Variants in LYST observed in about 807,000 individuals in gnomAD.
The protein encoded by LYST is lysosomal-trafficking regulator.
In LYST, 192 loss-of-function variants were observed where a neutral mutation model predicts 413.6. The observed-to-expected ratio is 0.46, with a 90% CI of 0.41 to 0.52. The LOEUF is 0.52. Ranked by LOEUF, LYST falls within the 20% of genes least tolerant of loss-of-function variation. LYST has a pLI of 0.00. For missense variants in LYST, 3,815 were observed against 4,499.9 expected (o/e 0.85, Z 4.35); for synonymous variants, 1,525 against 1,567.3 (o/e 0.97, Z 0.64).
chr1:235,799,097 T>C (rs1671906383), intron 10 of LYST, among the ~76,000 whole-genome samples: 1 of 152,134 alleles, frequency 6.6e-6, no homozygotes, highest in African/African-American at 2.4e-5. Context: ...ACTAAGTGTC[T>C]AGCAAAATAA....
intron 30 of LYST, among the ~76,000 whole-genome samples, chr1:235,742,221 G>A (rs188605749): frequency 8.9e-4 from 135 of 152,164 alleles, no homozygotes; most frequent in African/African-American, 2.8e-3. Context: ...TTGGGAGGCC[G>A]AGGCAGGTGG....
chr1:235,864,926 C>G lies in LYST; in HGVS notation c.-98+1917G>C, dbSNP rs111450686. ...CCTGGGAGACAAAGTGAGATCCTGA[C>G]TCAAAACTAAAAATAAAAGGTAAGG... On this transcript the variant is annotated intron_variant, in intron 1 of 52. Coordinates refer to ENST00000389793, the MANE Select transcript of LYST (RefSeq NM_000081.4). Among the ~76,000 whole-genome samples, 1,249 of 152,238 alleles carry G rather than the reference C, an allele frequency of 8.2e-3. 8 individuals carry two copies. Among genetic ancestry groups the G allele is most frequent in the South Asian group, 0.018 (85 of 4,822 alleles).
At chr1:235,666,638 G>A (rs895703166) in intron 50 of LYST, among the ~76,000 whole-genome samples, 58 of 100,096 alleles carry the variant, frequency 5.8e-4, no homozygotes, top group African/African-American at 1.9e-3. Flanking sequence ...ACACACACAT[G>A]CCCAATGTTC....
chr1:235,782,140 T>A, intron 14 of LYST, 53 bp from the exon 15 acceptor site: 2 of 1,428,596 alleles, frequency 1.4e-6, no homozygotes, highest in South Asian at 1.2e-5. Context: ...AGTCTAGTAC[T>A]AAGTATTTTT....
Position 235,665,561 on chromosome 1 carries a change from G to A in LYST, c.11039-940C>T, listed in dbSNP as rs577075129. On this transcript the variant is annotated intron_variant, in intron 50 of 52. Coordinates refer to ENST00000389793, the MANE Select transcript of LYST (RefSeq NM_000081.4). ...CAGGAGGTGGAGGTTGCAGTGAGCCGAGATAGTGCCACTGCACTCCAGCCT... is the reference window on the plus strand; with the variant it reads ...CAGGAGGTGGAGGTTGCAGTGAGCCAAGATAGTGCCACTGCACTCCAGCCT... Among the ~76,000 whole-genome samples, 513 of 138,354 alleles carry A rather than the reference G, an allele frequency of 3.7e-3. 2 individuals carry two copies. Among genetic ancestry groups the A allele is most frequent in the Non-Finnish European group, 5.2e-3 (343 of 65,868 alleles). The allele number at this position is 138,354 out of a possible 152,430, so 90.8% of individuals were successfully genotyped here. A position where few individuals can be genotyped will look rare whatever the true frequency, so the allele number is the denominator to read the frequency against.
chr1:235,762,656 T>C, intron 22 of LYST, 64 bp downstream of exon 22: 1 of 1,509,454 alleles, frequency 6.6e-7, no homozygotes, highest in Non-Finnish European at 9.2e-7. Context: ...ATGTACAATT[T>C]AATTATCTAA....
rs74943697 is a variant in LYST, at chr1:235,695,200, C to T, written c.10565-1714G>A. On this transcript the variant is annotated intron_variant, in intron 46 of 52. Transcript: ENST00000389793. ...AGGCACTGTGCTAATCATCCCCATA[C>T]ATTATTGTATTGAATCCTTACAGAA... 1.0e-3 allele frequency among the ~76,000 whole-genome samples: 154 copies of T among 152,340 alleles called. 2 individuals carry two copies. In the East Asian group the frequency reaches 0.026, roughly 25 times the overall value.
chr1:235,868,178 C>CT (rs58846659), upstream of LYST, among the ~76,000 whole-genome samples: 503 of 147,248 alleles, frequency 3.4e-3, 2 homozygotes, highest in African/African-American at 0.011. Context: ...TATTTTTTAT[C>CT]TTTTTTTTTT....
chr1:235,855,789 C>A (rs140996664), intron 1 of LYST, among the ~76,000 whole-genome samples: 8 of 152,112 alleles, frequency 5.3e-5, no homozygotes, highest in African/African-American at 1.9e-4. Flanking sequence ...TTTAAATACA[C>A]CTTGCACGTA....
intron 1 of LYST, among the ~76,000 whole-genome samples, chr1:235,835,420 C>T (rs905264201): frequency 1.3e-5 from 2 of 152,220 alleles, no homozygotes; most frequent in South Asian, 2.1e-4. Context: ...TCAGCGTGGC[C>T]GTAAGAAGTG....
chr1:235,733,758 TTAAAAC>T (rs1664581967), intron 33 of LYST, 66 bp downstream of exon 33: 15 of 1,515,826 alleles, frequency 9.9e-6, no homozygotes, highest in African/African-American at 1.4e-5. Context: ...ACATGATACT[TTAAAAC>T]TAAAAGTATA....
chr1:235,703,054 C>T (rs1314034547), intron 44 of LYST, 77 bp from the exon 45 acceptor site: 1 of 1,065,726 alleles, frequency 9.4e-7, no homozygotes, highest in Non-Finnish European at 1.5e-6. Context: ...AAGGGAAAAA[C>T]AACACTTTGT....
chr1:235,671,905 A>G (rs1658972174), intron 50 of LYST, among the ~76,000 whole-genome samples: 1 of 152,232 alleles, frequency 6.6e-6, no homozygotes, highest in Admixed American at 6.5e-5. Flanking sequence ...AGCAAAGACC[A>G]GTTAGGTTAT....
At chr1:235,880,703 T>G (rs1168935331) in intron 1 of LYST, among the ~76,000 whole-genome samples, 1 of 152,240 alleles carries the variant, frequency 6.6e-6, no homozygotes, top group Non-Finnish European at 1.5e-5. Context: ...TCCTCAATTG[T>G]GATGTTTTAA....
chr1:235,677,592 T>G lies in LYST; in HGVS notation c.10828A>C (p.Ile3610Leu). Reference sequence around the variant, plus strand: ...TCTTCTGTGTGACCATAGAGATGTATTTGAGTCTCCATTTCTATTTCTGAT... The same window carrying G: ...TCTTCTGTGTGACCATAGAGATGTAGTTGAGTCTCCATTTCTATTTCTGAT... Reference protein sequence around the residue: ...TPSEIEMETQIHLYGHTEEIT... With the variant: ...TPSEIEMETQLHLYGHTEEIT... The change falls in exon 49 of 53, where the codon ATA (isoleucine) becomes CTA (leucine). Residue 3610 changes from isoleucine to leucine, a missense_variant. Ile to Leu is a conservative substitution (Grantham distance 5, BLOSUM62 2). Coordinates refer to ENST00000389793, the MANE Select transcript of LYST (RefSeq NM_000081.4). The G allele has an allele frequency of 6.2e-7, 1 of 1,613,034 alleles. No individual in the cohort carries two copies. Among genetic ancestry groups the G allele is most frequent in the Non-Finnish European group, 8.5e-7 (1 of 1,179,166 alleles).
intron 36 of LYST, 82 bp downstream of exon 36, chr1:235,730,765 A>T: frequency 9.9e-7 from 1 of 1,011,432 alleles, no homozygotes; most frequent in South Asian, 1.3e-5. Context: ...TGATGGCATT[A>T]TATAAAATAA....
chr1:235,747,044 T>C, intron 28 of LYST: 1 of 260,258 alleles, frequency 3.8e-6, no homozygotes, highest in Non-Finnish European at 7.7e-6. Context: ...ATAATTCCAG[T>C]GATTTGTTAT....
intron 1 of LYST, among the ~76,000 whole-genome samples, chr1:235,877,159 T>C (rs1225138391): frequency 1.3e-5 from 2 of 152,210 alleles, no homozygotes; most frequent in Non-Finnish European, 2.9e-5. Context: ...ACTGACATGC[T>C]ATCCATATAA....
intron 22 of LYST, among the ~76,000 whole-genome samples, chr1:235,762,024 A>T (rs541118007): frequency 6.6e-6 from 1 of 151,350 alleles, no homozygotes; most frequent in East Asian, 2.0e-4. Context: ...CCTAATGCTA[A>T]ATGACGAGTT....
Sources: gnomAD v4.1 joint callset for allele counts (sites outside exome capture counted in the v4.1 genomes callset) on GRCh38, gnomAD v4.1.1 for gene constraint, MANE v1.5 for transcripts, NCBI Gene and HGNC (gene_info 2026-07-23, HGNC 2026-07-21) for gene names.